Variants in ANK1 observed in about 807,000 individuals in gnomAD.
ANK1 encodes ankyrin-1.
Under a neutral mutation model 210.4 loss-of-function variants are expected in ANK1, and 51 were observed. The observed-to-expected ratio is 0.24, with a 90% CI of 0.19 to 0.31. The LOEUF (loss-of-function observed/expected upper bound fraction) is 0.31, where lower values mean the gene tolerates loss of function less well. ANK1 is among the 10% of genes least tolerant of loss of function. The pLI is 1.00. For synonymous variants in ANK1, 967 were observed against 1,025.9 expected, an observed-to-expected ratio of 0.94 and a Z score of 1.10; for missense variants, 2,051 against 2,504.4, an observed-to-expected ratio of 0.82 and a Z score of 3.86.
chr8:41,767,258 G>C (rs887930278), intron 1 of ANK1, among the ~76,000 whole-genome samples: 2 of 151,886 alleles, frequency 1.3e-5, no homozygotes, highest in Non-Finnish European at 2.9e-5. Flanking sequence ...CCCGCAGGAC[G>C]GACGCAGAGC....
chr8:41,831,301 A>G (rs750895236), intron 1 of ANK1, among the ~76,000 whole-genome samples: 9 of 152,196 alleles, frequency 5.9e-5, no homozygotes, highest in Non-Finnish European at 8.8e-5. Context: ...TAACAGTAAC[A>G]TACTTTGCAC....
At chr8:41,670,633 TCCC>T (rs1249298194) in intron 38 of ANK1, among the ~76,000 whole-genome samples, 1 of 152,224 alleles carries the variant, frequency 6.6e-6, no homozygotes, top group Non-Finnish European at 1.5e-5. Flanking sequence ...CGACTTCCTT[TCCC>T]TTCCTGTTAG....
chr8:41,896,408 T>C, exon 1 of ANK1: 1 of 1,604,254 alleles, frequency 6.2e-7, no homozygotes, highest in Non-Finnish European at 8.5e-7. Flanking sequence ...GATTCCTCCT[T>C]CTCCTTCTGC....
chr8:41,872,197 C>T (rs146999630), intron 1 of ANK1, among the ~76,000 whole-genome samples: 13 of 152,310 alleles, frequency 8.5e-5, no homozygotes, highest in African/African-American at 2.4e-4. Context: ...GGAGAGGAGC[C>T]GACCCCCTGT....
intron 22 of ANK1, 37 bp downstream of exon 22, chr8:41,701,513 T>C (rs1822799921): frequency 6.2e-7 from 1 of 1,607,542 alleles, no homozygotes; most frequent in African/African-American, 1.3e-5. Context: ...GGAGCCCCTC[T>C]GTCCCCACCA....
intron 1 of ANK1, 57 bp from the exon 2 acceptor site, chr8:41,758,194 C>G: frequency 6.7e-7 from 1 of 1,496,316 alleles, no homozygotes. Context: ...ACTTCTCCAC[C>G]CCGTTCAAGT....
At chr8:41,746,075 T>G (rs553651199) in intron 2 of ANK1, among the ~76,000 whole-genome samples, 34 of 152,030 alleles carry the variant, frequency 2.2e-4, no homozygotes, top group Non-Finnish European at 3.8e-4. Context: ...AACCCCAGAG[T>G]GCAATCAAAC....
chr8:41,884,653 A>T (rs183173172), intron 1 of ANK1, among the ~76,000 whole-genome samples: 26 of 152,254 alleles, frequency 1.7e-4, no homozygotes, highest in African/African-American at 6.0e-4. Context: ...TGGGCAACAT[A>T]GTGAGACTCT....
intron 3 of ANK1, among the ~76,000 whole-genome samples, chr8:41,730,749 C>T (rs2279436): frequency 0.2 from 30,171 of 152,178 alleles, 3,763 homozygotes; most frequent in South Asian, 0.27. Flanking sequence ...GACACCAGGA[C>T]GCTGAGCTCC....
chr8:41,686,661 C>T (rs973237650), intron 35 of ANK1, among the ~76,000 whole-genome samples: 1 of 152,180 alleles, frequency 6.6e-6, no homozygotes, highest in African/African-American at 2.4e-5. Context: ...AGGAGGCAGC[C>T]GTACCTGCCG....
Position 41,684,121 on chromosome 8 carries a change from A to G in ANK1, c.4537+423T>C, listed in dbSNP as rs144780507. Among the ~76,000 whole-genome samples the G allele has an allele frequency of 5.0e-3, 756 of 152,254 alleles. 5 individuals are homozygous for G. Among genetic ancestry groups the G allele is most frequent in the African/African-American group, 0.016 (652 of 41,550 alleles). On this transcript the variant is annotated intron_variant, in intron 37 of 42. Coordinates refer to ENST00000289734, the MANE Select transcript of ANK1 (RefSeq NM_000037.4). Reference sequence around the variant, plus strand: ...TCTCCATGCCCTCTGCTTCCCAACCACTGACTGTTTTACAGATGGGGACAC... The same window carrying G: ...TCTCCATGCCCTCTGCTTCCCAACCGCTGACTGTTTTACAGATGGGGACAC...
intron 1 of ANK1, among the ~76,000 whole-genome samples, chr8:41,887,316 A>G (rs1818640507): frequency 7.7e-6 from 1 of 129,426 alleles, no homozygotes; most frequent in African/African-American, 3.1e-5. Context: ...TGGTACCATC[A>G]TAGCTCACTG....
In ANK1 at chr8:41,661,517, C is replaced by T. The variant is rs1165363773; in HGVS notation, c.5592G>A (p.Arg1864=). ...CCCGCTTCACTATCTGCGCCCCCTT[C>T]CTGCCCTCTATCAGGTCCGGCTGTA... The part of the protein sequence containing the change: ...SGLQPDLIEG[R]KGAQIVKRAS... The change falls in exon 42 of 43, where the codon AGG becomes AGA. Residue 1864 remains arginine (R), a synonymous_variant. Coordinates refer to ENST00000289734, the MANE Select transcript of ANK1 (RefSeq NM_000037.4). 2 of 1,614,094 alleles carry T rather than the reference C, an allele frequency of 1.2e-6. No homozygotes were observed. The highest frequency in any genetic ancestry group is 1.7e-6 in the Non-Finnish European group (2 of 1,180,030).
chr8:41,655,663 T>C lies in ANK1; in HGVS notation c.*127A>G. On this transcript the variant is annotated 3_prime_UTR_variant, in exon 43 of 43. Transcript: ENST00000289734. Reference sequence around the variant, plus strand: ...CATGCCGTCAGCCCAGAGGAATGTGTGCACCGCTGCGGTGGCCCTCAGGTC... The same window carrying C: ...CATGCCGTCAGCCCAGAGGAATGTGCGCACCGCTGCGGTGGCCCTCAGGTC... 1.3e-6 allele frequency: 2 copies of C among 1,574,736 alleles called. No individual in the cohort carries two copies. The highest frequency in any genetic ancestry group is 1.7e-6 in the Non-Finnish European group (2 of 1,144,914).
At chr8:41,858,659 G>A (rs570310600) in intron 1 of ANK1, among the ~76,000 whole-genome samples, 1 of 152,222 alleles carries the variant, frequency 6.6e-6, no homozygotes, top group Non-Finnish European at 1.5e-5. Context: ...CCCGGATTCC[G>A]CTCCTTCTAT....
chr8:41,802,894 T>G (rs1850110417), intron 1 of ANK1, among the ~76,000 whole-genome samples: 1 of 111,960 alleles, frequency 8.9e-6, no homozygotes, highest in Non-Finnish European at 1.6e-5. Context: ...GCCTGGGTAA[T>G]GAGAATGAGA....
intron 1 of ANK1, among the ~76,000 whole-genome samples, chr8:41,783,433 G>A (rs565772629): frequency 2.6e-5 from 4 of 152,166 alleles, no homozygotes; most frequent in Non-Finnish European, 4.4e-5. Flanking sequence ...TACTCTTGCT[G>A]GTAGCAACCT....
chr8:41,874,316 C>T (rs1025349830), intron 1 of ANK1, among the ~76,000 whole-genome samples: 2 of 152,186 alleles, frequency 1.3e-5, no homozygotes, highest in Non-Finnish European at 1.5e-5. Context: ...TGAAAGGCCT[C>T]GATTTCAGAT....
intron 1 of ANK1, among the ~76,000 whole-genome samples, chr8:41,873,636 CCAAGCCCT>C (rs1420970515): frequency 6.6e-6 from 1 of 152,222 alleles, no homozygotes; most frequent in African/African-American, 2.4e-5. Flanking sequence ...CAGACCAGAG[CCAAGCCCT>C]CTGTAAGCTG....
Sources: allele counts gnomAD v4.1 joint callset (sites outside exome capture counted in the v4.1 genomes callset), GRCh38; gene constraint gnomAD v4.1.1; transcripts MANE v1.5; gene names NCBI Gene and HGNC (gene_info 2026-07-23, HGNC 2026-07-21).